The following PAPPA variants were observed in gnomAD, a reference collection of about 807,000 sequenced individuals.
PAPPA encodes pappalysin 1.
Under a neutral mutation model 164.0 loss-of-function variants are expected in PAPPA, and 60 were observed. That is an observed-to-expected ratio of 0.37 (90% confidence interval 0.30 to 0.45). The LOEUF is 0.45. PAPPA is among the 20% of genes least tolerant of loss of function. The pLI is 1.00. For missense variants in PAPPA, 1,782 were observed against 2,087.3 expected (o/e 0.85, Z 2.85); for synonymous variants, 875 against 814.1 (o/e 1.07, Z -1.27).
At chr9:116,313,027 G>T (rs1845741064) in intron 10 of PAPPA, among the ~76,000 whole-genome samples, 1 of 148,804 alleles carries the variant, frequency 6.7e-6, no homozygotes, top group Non-Finnish European at 1.5e-5. Flanking sequence ...AGCTTGCAGT[G>T]AGCGGAGATT....
intron 1 of PAPPA, among the ~76,000 whole-genome samples, chr9:116,156,457 C>T (rs1843606667): frequency 3.3e-5 from 5 of 151,528 alleles, no homozygotes. Context: ...CACTCATTCA[C>T]TCTCTCACAC....
intron 3 of PAPPA, among the ~76,000 whole-genome samples, chr9:116,208,102 A>T (rs140607645): frequency 1.0e-3 from 157 of 152,328 alleles, no homozygotes; most frequent in Middle Eastern, 3.4e-3. Context: ...CCACCCACCA[A>T]CACCAACAGG....
chr9:116,220,182 A>T (rs1031652706), intron 5 of PAPPA, 53 bp downstream of exon 5: 15 of 1,407,448 alleles, frequency 1.1e-5, no homozygotes, highest in South Asian at 5.2e-5. Flanking sequence ...TGCCAAGAAG[A>T]AGGAAACTTG....
In PAPPA at chr9:116,187,911, C is replaced by T; in HGVS notation, c.1173C>T (p.Ile391=). ...QLAEAFKQYN[I]SWELDVLEVS... is the part of the protein sequence containing the mutation. ...CTGAGGCCTTCAAGCAATACAACAT[C>T]TCCTGGGAGCTGGACGTGCTGGAGG... The change falls in exon 2 of 22, where the codon ATC becomes ATT. Residue 391 remains isoleucine, a synonymous_variant. Coordinates refer to ENST00000328252, the MANE Select transcript of PAPPA (RefSeq NM_002581.5). This position sits in a 1 kb window ranked among gnomAD's most constrained non-coding sequence, Gnocchi z 4.2. The T allele has an allele frequency of 6.2e-7, 1 of 1,614,186 alleles. No individual in the cohort carries two copies. The highest frequency in any genetic ancestry group is 8.5e-7 in the Non-Finnish European group (1 of 1,180,042).
At chr9:116,290,863 C>T (rs1036611390) in intron 9 of PAPPA, among the ~76,000 whole-genome samples, 1 of 152,022 alleles carries the variant, frequency 6.6e-6, no homozygotes, top group Non-Finnish European at 1.5e-5. Context: ...ATTATCCAGG[C>T]CAAATTTCAT....
intron 5 of PAPPA, among the ~76,000 whole-genome samples, chr9:116,224,504 T>G (rs1275144705): frequency 6.6e-6 from 1 of 152,252 alleles, no homozygotes. Flanking sequence ...TGTGTAACTA[T>G]TTCCTCATTT....
chr9:116,375,664 A>C (rs1368857472), intron 19 of PAPPA, among the ~76,000 whole-genome samples: 2 of 152,200 alleles, frequency 1.3e-5, no homozygotes, highest in Non-Finnish European at 2.9e-5. Context: ...AAAGGCACCC[A>C]ATCCAGTCTT....
At chr9:116,170,057 AC>A (rs1157494207) in intron 1 of PAPPA, among the ~76,000 whole-genome samples, 23 of 151,984 alleles carry the variant, frequency 1.5e-4, no homozygotes, top group Non-Finnish European at 2.8e-4. Context: ...TGATTTGTAA[AC>A]CCCAAGACAT....
At chr9:116,255,778 C>G (rs1452893168) in intron 7 of PAPPA, among the ~76,000 whole-genome samples, 4 of 151,852 alleles carry the variant, frequency 2.6e-5, no homozygotes, top group Admixed American at 2.6e-4. Flanking sequence ...CCCTGAAAAT[C>G]TACATGTTTG....
chr9:116,270,905 A>G (rs986568095), intron 8 of PAPPA, among the ~76,000 whole-genome samples: 2 of 152,128 alleles, frequency 1.3e-5, no homozygotes, highest in Non-Finnish European at 2.9e-5. Context: ...CAAGGCAGGG[A>G]GTGGTGAAGG....
At chr9:116,194,615 C>T (rs11999721) in intron 2 of PAPPA, among the ~76,000 whole-genome samples, 8,716 of 152,152 alleles carry the variant, frequency 0.057, 693 homozygotes, top group African/African-American at 0.18. Flanking sequence ...CAGTAAGAGC[C>T]GCTGGTTTCT....
chr9:116,217,465 C>G (rs991644428), intron 4 of PAPPA, among the ~76,000 whole-genome samples: 2 of 152,160 alleles, frequency 1.3e-5, no homozygotes, highest in Non-Finnish European at 2.9e-5. Context: ...ATATTTTCAC[C>G]ATTATAAATT....
Position 116,154,120 on chromosome 9 carries a change from C to A in PAPPA, c.-53C>A. 1.6e-6 allele frequency: 2 copies of A among 1,264,024 alleles called. No individual in the cohort carries two copies. The highest frequency in any genetic ancestry group is 2.0e-6 in the Non-Finnish European group (2 of 990,286). The allele number at this position is 1,264,024 out of a possible 1,614,324, so 78.3% of individuals were successfully genotyped here. ...GAGGCGCCGAGGCTCCCAAAGCTGG[C>A]AGCTCCGGGTGGCGGTGCAGGGGCG... is the stretch of plus-strand genomic sequence containing the variant. On this transcript the variant is annotated 5_prime_UTR_variant, in exon 1 of 22. Transcript: ENST00000328252. This position sits in a 1 kb window ranked among gnomAD's most constrained non-coding sequence, Gnocchi z 5.2.
intron 2 of PAPPA, among the ~76,000 whole-genome samples, chr9:116,205,378 G>A (rs1048708987): frequency 3.3e-5 from 5 of 152,142 alleles, no homozygotes; most frequent in Admixed American, 1.3e-4. Flanking sequence ...CAGAGCTATG[G>A]GGCAGAGGTG....
intron 1 of PAPPA, among the ~76,000 whole-genome samples, chr9:116,178,817 A>G (rs1465239753): frequency 6.6e-6 from 1 of 152,214 alleles, no homozygotes; most frequent in Non-Finnish European, 1.5e-5. Flanking sequence ...ATCCATAGCT[A>G]GTAAATGGCA....
chr9:116,368,372 T>C (rs1846529789), intron 19 of PAPPA, among the ~76,000 whole-genome samples: 1 of 152,218 alleles, frequency 6.6e-6, no homozygotes. Context: ...TTGTCTGCAT[T>C]TTCCAGTTGT....
rs1348815301 is a variant in PAPPA, at chr9:116,352,841, A to G, written c.4100A>G (p.His1367Arg). ...LQTARCRENK[H>R]KVGSFCKYKC... ...ACCGCCCGGTGCCGAGAGAATAAGC[A>G]CAAGGTGGGCTCCTTCTGCAAATAC... The change falls in exon 16 of 22, where the codon CAC becomes CGC. Residue 1367 changes from histidine to arginine, a missense_variant. His to Arg is a conservative substitution (Grantham distance 29). Coordinates refer to ENST00000328252, the MANE Select transcript of PAPPA (RefSeq NM_002581.5). 9.3e-6 allele frequency: 15 copies of G among 1,613,946 alleles called. No individual in the cohort carries two copies. The highest frequency in any genetic ancestry group is 1.3e-5 in the Non-Finnish European group (15 of 1,179,982).
chr9:116,340,530 C>T (rs956972278), intron 13 of PAPPA, among the ~76,000 whole-genome samples: 1 of 152,168 alleles, frequency 6.6e-6, no homozygotes, highest in African/African-American at 2.4e-5. Context: ...GTGTGGAATG[C>T]AAATAAGGTG....
At chr9:116,277,070 C>A (rs1845208508) in intron 9 of PAPPA, among the ~76,000 whole-genome samples, 1 of 152,206 alleles carries the variant, frequency 6.6e-6, no homozygotes, top group Non-Finnish European at 1.5e-5. Flanking sequence ...AAAACAGCAT[C>A]TGCTGGAGGA....
Sources: gnomAD v4.1 joint callset for allele counts (sites outside exome capture counted in the v4.1 genomes callset) on GRCh38, gnomAD v4.1.1 for gene constraint, Gnocchi (gnomAD v3.1) non-coding constraint, MANE v1.5 for transcripts, NCBI Gene and HGNC (gene_info 2026-07-23, HGNC 2026-07-21) for gene names.